DMD: variants seen among roughly 807,000 people sequenced by gnomAD.
DMD encodes the protein dystrophin.
In DMD, 63 loss-of-function variants were observed where a neutral mutation model predicts 330.1. That is an observed-to-expected ratio of 0.19 (90% CI 0.16 to 0.24). The LOEUF is 0.24. DMD is among the 10% of genes least tolerant of loss of function. The pLI is 1.00. For missense variants in DMD, 3,344 were observed against 2,684.1 expected, an observed-to-expected ratio of 1.25 and a Z score of -5.43; for synonymous variants, 1,223 against 959.8, an observed-to-expected ratio of 1.27 and a Z score of -5.07.
chrX:32,683,874 G>A (rs1475086996), intron 9 of DMD, among the ~76,000 whole-genome samples: 1 of 109,603 alleles, frequency 9.1e-6, no homozygotes, highest in Non-Finnish European at 1.9e-5. Context: ...TATTTCAAGG[G>A]CCACTGAGTA....
intron 55 of DMD, among the ~76,000 whole-genome samples, chrX:31,610,028 CCT>C (rs983869627): frequency 8.2e-5 from 9 of 109,858 alleles, no homozygotes; most frequent in African/African-American, 2.6e-4. Context: ...CCACTCCATT[CCT>C]CTCTCTCTGT....
In DMD at chrX:31,816,390, AAAG is replaced by A. The variant is rs770289607; in HGVS notation, c.7309+3582_7309+3584del. Among the ~76,000 whole-genome samples, 389 of 111,435 alleles carry A rather than the reference AAAG, an allele frequency of 3.5e-3. 4 individuals are homozygous for A. Among genetic ancestry groups the A allele is most frequent in the African/African-American group, 0.012 (363 of 30,656 alleles). On this transcript the variant is annotated intron_variant, in intron 50 of 78. Coordinates refer to ENST00000357033, the MANE Select transcript of DMD (RefSeq NM_004006.3). ...TTAGGCCTCAGCTTCTACATCTATA[AAAG>A]AAGAATACTCAACTAGATAATAATT... is the stretch of plus-strand genomic sequence containing the variant.
intron 1 of DMD, among the ~76,000 whole-genome samples, chrX:33,130,116 T>C (rs1213840268): frequency 1.8e-5 from 2 of 112,004 alleles, no homozygotes; most frequent in Non-Finnish European, 3.8e-5. Flanking sequence ...CAGAAGTTAC[T>C]GACTTGAGGA....
chrX:31,539,000 A>C (rs1311449127), intron 55 of DMD, among the ~76,000 whole-genome samples: 2 of 112,042 alleles, frequency 1.8e-5, no homozygotes, highest in Non-Finnish European at 3.8e-5. Context: ...ATGGTGAGGG[A>C]TGATTATTCT....
chrX:32,827,589 T>G (rs1269445984), intron 4 of DMD, among the ~76,000 whole-genome samples: 1 of 110,826 alleles, frequency 9.0e-6, no homozygotes, highest in East Asian at 2.8e-4. Flanking sequence ...CCTCCCACCT[T>G]TTACTCTTGA....
chrX:32,219,305 A>T (rs1308356180), intron 43 of DMD, among the ~76,000 whole-genome samples: 1 of 111,864 alleles, frequency 8.9e-6, no homozygotes, highest in African/African-American at 3.2e-5. Flanking sequence ...TCGTAAGTTT[A>T]TTCCCTTTAA....
chrX:32,170,421 G>A lies in DMD; in HGVS notation c.6438+46495C>T, dbSNP rs939755827. Among the ~76,000 whole-genome samples, 12 of 108,789 alleles carry A rather than the reference G, an allele frequency of 1.1e-4. No homozygotes were observed. In the East Asian group the frequency reaches 2.0e-3, roughly 18 times the overall value. 94.5% of individuals were successfully genotyped at this position (108,789 alleles called of 115,157 possible). On this transcript the variant is annotated intron_variant, in intron 44 of 78. Coordinates refer to ENST00000357033, the MANE Select transcript of DMD (RefSeq NM_004006.3). ...TGGGAGGCAGAGGTTGAAGTGAGTC[G>A]AGATTGTACCATTGTACTCCAACCC...
At chrX:33,014,547 C>G (rs1184738016) in intron 2 of DMD, among the ~76,000 whole-genome samples, 3 of 111,047 alleles carry the variant, frequency 2.7e-5, no homozygotes, top group African/African-American at 9.8e-5. Context: ...ACAGATTCAA[C>G]CAATGTAGAG....
chrX:31,667,742 C>G (rs1350574791), intron 53 of DMD, among the ~76,000 whole-genome samples: 2 of 110,883 alleles, frequency 1.8e-5, no homozygotes, highest in African/African-American at 6.6e-5. Flanking sequence ...GTGACTGTTA[C>G]ACATTGTATG....
At chrX:32,524,653 CT>C (rs1451815942) in intron 17 of DMD, among the ~76,000 whole-genome samples, 1 of 112,444 alleles carries the variant, frequency 8.9e-6, no homozygotes, top group Non-Finnish European at 1.9e-5. Context: ...CTGTTTGCTT[CT>C]CTGTCTGTGA....
chrX:32,178,883 A>G (rs1467548592), intron 44 of DMD, among the ~76,000 whole-genome samples: 2 of 101,796 alleles, frequency 2.0e-5, no homozygotes, highest in East Asian at 6.1e-4. Flanking sequence ...TTCTTGGACC[A>G]TATTTCTTTG....
chrX:32,879,007 C>CAAAA lies in DMD; in HGVS notation c.94-29191_94-29188dup, dbSNP rs780431879. 4.6e-3 allele frequency among the ~76,000 whole-genome samples: 300 copies of CAAAA among 65,738 alleles called. 16 individuals carry two copies. The East Asian group carries it at 0.073, about 16-fold the overall frequency. The allele number at this position is 65,738 out of a possible 115,157, so 57.1% of individuals were successfully genotyped here. ...TAGGCGACAGACCAAGACTACGTCT[C>CAAAA]AAAAAAAAAACAAAAAACAAAAAAC... is the stretch of plus-strand genomic sequence containing the variant. On this transcript the variant is annotated intron_variant, in intron 2 of 78. Coordinates refer to ENST00000357033, the MANE Select transcript of DMD (RefSeq NM_004006.3).
intron 54 of DMD, among the ~76,000 whole-genome samples, chrX:31,648,774 T>G (rs1207940228): frequency 9.1e-6 from 1 of 109,405 alleles, no homozygotes; most frequent in Non-Finnish European, 1.9e-5. Context: ...CCAAACATTT[T>G]TAATATAAGA....
chrX:32,877,852 G>A (rs1048221587), intron 2 of DMD, among the ~76,000 whole-genome samples: 13 of 111,973 alleles, frequency 1.2e-4, no homozygotes, highest in African/African-American at 3.9e-4. Flanking sequence ...AGGTTTTCCT[G>A]CAGAACCAGA....
intron 44 of DMD, among the ~76,000 whole-genome samples, chrX:32,042,076 T>C (rs2096011097): frequency 1.2e-5 from 1 of 82,666 alleles, no homozygotes; most frequent in Non-Finnish European, 2.3e-5. Context: ...TGTACACATA[T>C]ATACACACAC....
intron 1 of DMD, among the ~76,000 whole-genome samples, chrX:33,062,953 C>G (rs1237980758): frequency 1.8e-5 from 2 of 112,122 alleles, no homozygotes; most frequent in Admixed American, 9.5e-5. Flanking sequence ...ATCTGTGCCA[C>G]ACAGACTCTA....
At chrX:32,581,861 G>T (rs1336438299) in intron 13 of DMD, among the ~76,000 whole-genome samples, 1 of 111,735 alleles carries the variant, frequency 8.9e-6, no homozygotes, top group East Asian at 2.8e-4. Context: ...TCTTATCCAG[G>T]TTTAGTTTAT....
intron 9 of DMD, among the ~76,000 whole-genome samples, chrX:32,666,241 C>T (rs750460123): frequency 1.2e-4 from 13 of 110,712 alleles, no homozygotes; most frequent in African/African-American, 4.3e-4. Flanking sequence ...GCAGAACGTG[C>T]AGGTTTGTTA....
At chrX:33,031,915 G>A (rs192231299) in intron 1 of DMD, among the ~76,000 whole-genome samples, 65 of 112,489 alleles carry the variant, frequency 5.8e-4, no homozygotes, top group Non-Finnish European at 6.6e-4. Context: ...GTAAAGCATC[G>A]AAAGTAGTCT....
Sources: allele counts gnomAD v4.1 joint callset (sites outside exome capture counted in the v4.1 genomes callset), GRCh38; gene constraint gnomAD v4.1.1; transcripts MANE v1.5; gene names NCBI Gene and HGNC (gene_info 2026-07-23, HGNC 2026-07-21).